Variants in ME3 observed in about 807,000 individuals in gnomAD.
ME3 encodes malic enzyme 3, also known as NADP-dependent malic enzyme, mitochondrial.
ME3 carries 48 observed loss-of-function variants against 68.9 expected under a neutral mutation model. The observed-to-expected ratio is 0.70, with a 90% CI of 0.55 to 0.89. The LOEUF is 0.89. Ranked by LOEUF, ME3 falls within the 40% of genes least tolerant of loss-of-function variation. ME3 has a pLI of 0.00. For synonymous variants in ME3, 320 were observed against 318.8 expected, an observed-to-expected ratio of 1.00 and a Z score of -0.04; for missense variants, 675 against 797.4, an observed-to-expected ratio of 0.85 and a Z score of 1.85.
At chr11:86,530,490 A>G (rs1439009074) in intron 4 of ME3, among the ~76,000 whole-genome samples, 2 of 152,244 alleles carry the variant, frequency 1.3e-5, no homozygotes, top group African/African-American at 2.4e-5. Flanking sequence ...CAGAATTGGA[A>G]AAAACTACTT....
intron 2 of ME3, among the ~76,000 whole-genome samples, chr11:86,615,787 A>G (rs1250676357): frequency 2.0e-5 from 3 of 152,218 alleles, no homozygotes; most frequent in Non-Finnish European, 2.9e-5. Flanking sequence ...TGGGGGACAG[A>G]GTGAAACCTA....
rs149764846 is a variant in ME3 at position 86,567,243 on chromosome 11, A to AAAGGAAGGAAGGAAGGAAGG, written c.184-7440_184-7421dup. ...AAAGAAAGAAAGAAAGAAAAGAAAG[A>AAAGGAAGGAAGGAAGGAAGG]AAGGAAGGAAGGAAGGAAGGAAGGA... On this transcript the variant is annotated intron_variant, in intron 2 of 14. Transcript: ENST00000543262. Among the ~76,000 whole-genome samples, 67 of 144,580 alleles carry AAAGGAAGGAAGGAAGGAAGG rather than the reference A, an allele frequency of 4.6e-4. 2 individuals carry two copies. In the East Asian group the frequency reaches 9.8e-3, roughly 21 times the overall value. 94.9% of individuals were successfully genotyped at this position (144,580 alleles called of 152,430 possible).
chr11:86,450,101 C>G, intron 9 of ME3, 99 bp from the exon 10 acceptor site: 1 of 1,091,270 alleles, frequency 9.2e-7, no homozygotes, highest in Non-Finnish European at 1.4e-6. Context: ...CTTTCCCCCA[C>G]CTCAATGACT....
At chr11:86,494,569 G>T (rs1262589497) in intron 6 of ME3, among the ~76,000 whole-genome samples, 2 of 152,122 alleles carry the variant, frequency 1.3e-5, no homozygotes, top group African/African-American at 4.8e-5. Flanking sequence ...CTAGACAGGG[G>T]TACTCTGGTC....
chr11:86,649,539 T>C lies in ME3; in HGVS notation c.183+22223A>G, dbSNP rs1945258939. On this transcript the variant is annotated intron_variant, in intron 2 of 14. Transcript: ENST00000543262. ...AAGTCGGATTGTCTCTGTTTGCAGA[T>C]GACATGATTGTATATTTAGAAAACA... Among the ~76,000 whole-genome samples the C allele has an allele frequency of 1.3e-5, 2 of 152,236 alleles. 1 individual carries two copies. The highest frequency in any genetic ancestry group is 4.8e-5 in the African/African-American group (2 of 41,474).
chr11:86,560,701 GAT>G (rs367895613), intron 2 of ME3, among the ~76,000 whole-genome samples: 24,809 of 113,128 alleles, frequency 0.22, 3,171 homozygotes, highest in East Asian at 0.44. Context: ...TGTATATAAT[GAT>G]ATGTGTGTGT....
chr11:86,441,366 T>A (rs1217401257), exon 15 of ME3: 1 of 1,613,224 alleles, frequency 6.2e-7, no homozygotes, highest in Admixed American at 1.7e-5. Flanking sequence ...AGACCAGGGA[T>A]CTTACAAAAG....
intron 8 of ME3, among the ~76,000 whole-genome samples, chr11:86,451,618 A>G (rs1398353541): frequency 6.6e-6 from 1 of 152,120 alleles, no homozygotes; most frequent in Non-Finnish European, 1.5e-5. Flanking sequence ...CCTGGGGGGG[A>G]CCATCCACCT....
At chr11:86,543,085 T>G (rs899693930) in intron 4 of ME3, among the ~76,000 whole-genome samples, 3 of 152,174 alleles carry the variant, frequency 2.0e-5, no homozygotes, top group Non-Finnish European at 2.9e-5. Flanking sequence ...AATAAAATCC[T>G]TTACAGACAA....
At chr11:86,537,545 T>A (rs1269526014) in intron 4 of ME3, among the ~76,000 whole-genome samples, 2 of 152,154 alleles carry the variant, frequency 1.3e-5, no homozygotes, top group Non-Finnish European at 2.9e-5. Context: ...TGATTTGAGC[T>A]GATTAATTTA....
chr11:86,650,252 C>T (rs1945311452), intron 2 of ME3, among the ~76,000 whole-genome samples: 1 of 152,100 alleles, frequency 6.6e-6, no homozygotes, highest in South Asian at 2.1e-4. Context: ...ACTGGCTAGC[C>T]ATATGCAGAA....
At chr11:86,618,299 C>CAAAAAAAAAAAAAAAAAA (rs55824426) in intron 2 of ME3, among the ~76,000 whole-genome samples, 4 of 55,934 alleles carry the variant, frequency 7.2e-5, no homozygotes, top group Non-Finnish European at 1.3e-4. Context: ...GGCTCTGTCT[C>CAAAAAAAAAAAAAAAAAA]AAAAAAAAAA....
chr11:86,628,282 T>G (rs939015003), intron 2 of ME3, among the ~76,000 whole-genome samples: 3 of 152,220 alleles, frequency 2.0e-5, no homozygotes, highest in Non-Finnish European at 2.9e-5. Flanking sequence ...TGCCGCCATC[T>G]CCAGCCTCCT....
intron 2 of ME3, among the ~76,000 whole-genome samples, chr11:86,661,703 C>T (rs999823411): frequency 4.6e-5 from 7 of 152,200 alleles, no homozygotes; most frequent in Admixed American, 1.3e-4. Context: ...TTCTGCACCT[C>T]TCTTCTGTGC....
chr11:86,465,460 A>G (rs1950430807), intron 7 of ME3, among the ~76,000 whole-genome samples: 1 of 152,094 alleles, frequency 6.6e-6, no homozygotes, highest in African/African-American at 2.4e-5. Flanking sequence ...CACTATAGCT[A>G]AGGTGCGCTG....
chr11:86,569,410 C>T (rs899592856), intron 2 of ME3, among the ~76,000 whole-genome samples: 6 of 152,194 alleles, frequency 3.9e-5, no homozygotes, highest in African/African-American at 1.2e-4. Context: ...TTCCAATCCA[C>T]AGTCGACTAC....
chr11:86,654,937 G>T (rs1226550927), intron 2 of ME3, among the ~76,000 whole-genome samples: 5 of 152,042 alleles, frequency 3.3e-5, no homozygotes, highest in African/African-American at 9.7e-5. Flanking sequence ...ATCACAAGCA[G>T]TCTTATACAC....
At chr11:86,550,553 C>T (rs776545392) in intron 4 of ME3, among the ~76,000 whole-genome samples, 1 of 152,202 alleles carries the variant, frequency 6.6e-6, no homozygotes, top group Non-Finnish European at 1.5e-5. Context: ...GACGCCTTTC[C>T]AGCAGCACAG....
At chr11:86,452,137 G>A (rs1035237778) in intron 8 of ME3, among the ~76,000 whole-genome samples, 10 of 152,156 alleles carry the variant, frequency 6.6e-5, no homozygotes, top group African/African-American at 1.9e-4. Flanking sequence ...AATAACCCAC[G>A]TACAGAATTT....
Sources: allele counts gnomAD v4.1 joint callset (sites outside exome capture counted in the v4.1 genomes callset), GRCh38; gene constraint gnomAD v4.1.1; transcripts MANE v1.5; gene names NCBI Gene and HGNC (gene_info 2026-07-23, HGNC 2026-07-21).